The following MRTFA variants were observed in gnomAD, a reference collection of about 807,000 sequenced individuals.
MRTFA encodes the protein myocardin-related transcription factor A.
A neutral mutation model predicts 83.5 loss-of-function variants in MRTFA; 20 were observed. The observed-to-expected ratio is 0.24, with a 90% CI of 0.17 to 0.35. The LOEUF is 0.35. MRTFA is among the 10% of genes least tolerant of loss of function. The pLI, the probability that MRTFA is intolerant of heterozygous loss-of-function variation, is 1.00. For synonymous variants in MRTFA, 659 were observed against 541.2 expected (o/e 1.22, Z -3.02); for missense variants, 1,200 against 1,224.7 (o/e 0.98, Z 0.30).
At chr22:40,571,070 A>C (rs920331615) in intron 2 of MRTFA, among the ~76,000 whole-genome samples, 6 of 143,588 alleles carry the variant, frequency 4.2e-5, no homozygotes, top group Non-Finnish European at 1.5e-5. Context: ...TTAGCTGGGC[A>C]TGGTGGTGTG....
intron 12 of MRTFA, 115 bp downstream of exon 12, chr22:40,418,259 A>G: frequency 2.7e-6 from 4 of 1,501,244 alleles, no homozygotes; most frequent in South Asian, 1.4e-5. Context: ...GGAAGATTAA[A>G]TGAAGCAAAC....
At chr22:40,428,195 GTAAAA>G (rs1228560199) in intron 7 of MRTFA, among the ~76,000 whole-genome samples, 1 of 152,202 alleles carries the variant, frequency 6.6e-6, no homozygotes, top group Non-Finnish European at 1.5e-5. Flanking sequence ...AAAAGCAAAT[GTAAAA>G]TAACCTGGGG....
chr22:40,448,988 G>A (rs12168585), intron 4 of MRTFA, among the ~76,000 whole-genome samples: 1,960 of 152,240 alleles, frequency 0.013, 37 homozygotes, highest in African/African-American at 0.045. Flanking sequence ...ACTCTCAGCC[G>A]GGCGCAGTGG....
chr22:40,553,416 A>T (rs1238940633), intron 2 of MRTFA, among the ~76,000 whole-genome samples: 1 of 152,180 alleles, frequency 6.6e-6, no homozygotes, highest in Admixed American at 6.5e-5. Context: ...TGCTCTGTGC[A>T]GCCTCAGGAC....
chr22:40,487,921 C>T (rs906423652), intron 3 of MRTFA, among the ~76,000 whole-genome samples: 2 of 152,058 alleles, frequency 1.3e-5, no homozygotes, highest in Non-Finnish European at 2.9e-5. Context: ...GCATATGAAC[C>T]ACCTACCATG....
intron 1 of MRTFA, among the ~76,000 whole-genome samples, chr22:40,603,833 G>A (rs1208313078): frequency 6.7e-6 from 1 of 148,246 alleles, no homozygotes; most frequent in Non-Finnish European, 1.5e-5. Context: ...GCTGGTCCTT[G>A]AACTCCTGGG....
At chr22:40,519,412 G>GA in intron 3 of MRTFA, 1 of 1,327,962 alleles carries the variant, frequency 7.5e-7, no homozygotes, top group Non-Finnish European at 1.0e-6. Flanking sequence ...TCACTTCTTG[G>GA]AAAGAGATCA....
chr22:40,551,908 A>T (rs1332224354), intron 3 of MRTFA, among the ~76,000 whole-genome samples, 198 bp downstream of exon 3: 1 of 152,222 alleles, frequency 6.6e-6, no homozygotes, highest in Admixed American at 6.5e-5. Flanking sequence ...CAGAGAAATT[A>T]GAAAGAAATT....
At chr22:40,519,097 T>G (rs1165583545) in intron 3 of MRTFA, among the ~76,000 whole-genome samples, 2 of 151,332 alleles carry the variant, frequency 1.3e-5, no homozygotes, top group Non-Finnish European at 1.5e-5. Context: ...CCGCAACCTC[T>G]GCCTCCCGGT....
Position 40,470,229 on chromosome 22 carries a change from TTTTATATA to T in MRTFA, c.242-6951_242-6944del, listed in dbSNP as rs1336215049. Among the ~76,000 whole-genome samples the T allele has an allele frequency of 3.7e-3, 217 of 58,754 alleles. 6 individuals are homozygous for T. Among genetic ancestry groups the T allele is most frequent in the Middle Eastern group, 0.027 (3 of 112 alleles). 38.5% of individuals were successfully genotyped at this position (58,754 alleles called of 152,430 possible). On this transcript the variant is annotated intron_variant, in intron 3 of 14. Coordinates refer to ENST00000355630, the MANE Select transcript of MRTFA (RefSeq NM_020831.6). ...ACACAGCAAGACCCCATCTCCAAAA[TTTTATATA>T]TATATATATATATATATATATATAT...
At chr22:40,630,030 T>C (rs796705350) in intron 1 of MRTFA, among the ~76,000 whole-genome samples, 7 of 152,016 alleles carry the variant, frequency 4.6e-5, no homozygotes, top group African/African-American at 1.7e-4. Flanking sequence ...GGTACAGGAC[T>C]GGCCAAGCAC....
At chr22:40,623,985 T>C (rs2056552192) in intron 1 of MRTFA, among the ~76,000 whole-genome samples, 1 of 152,142 alleles carries the variant, frequency 6.6e-6, no homozygotes, top group Admixed American at 6.5e-5. Context: ...ATGCCTCCGG[T>C]ACCAGCTACT....
rs751238821 is a variant in MRTFA at position 40,424,287 on chromosome 22, C to T, written c.696G>A (p.Glu232=). 1 of 1,612,666 alleles carries T rather than the reference C, an allele frequency of 6.2e-7. No individual in the cohort carries two copies. Among genetic ancestry groups the T allele is most frequent in the African/African-American group, 1.3e-5 (1 of 74,836 alleles). The change falls in exon 8 of 15, where the codon GAG becomes GAA. Residue 232 remains glutamate (E), a synonymous_variant. Coordinates refer to ENST00000355630, the MANE Select transcript of MRTFA (RefSeq NM_020831.6). ...GGGGTGACGGCACAGAACCCTGGGA[C>T]TCATGGCTGGCAGGCTGCTCGGGGG... is the stretch of plus-strand genomic sequence containing the variant.
chr22:40,468,799 C>A (rs953820043), intron 3 of MRTFA, among the ~76,000 whole-genome samples: 2 of 152,212 alleles, frequency 1.3e-5, no homozygotes, highest in East Asian at 1.9e-4. Flanking sequence ...TCTCTTCCCC[C>A]ACTCAGATAT....
At chr22:40,596,248 C>T (rs2056190750) in intron 1 of MRTFA, among the ~76,000 whole-genome samples, 4 of 151,810 alleles carry the variant, frequency 2.6e-5, no homozygotes, top group South Asian at 2.1e-4. Flanking sequence ...AGGCTGAGTG[C>T]CGTAGCTCAG....
chr22:40,550,180 C>T (rs972000251), intron 3 of MRTFA, among the ~76,000 whole-genome samples: 3 of 151,468 alleles, frequency 2.0e-5, no homozygotes, highest in African/African-American at 7.3e-5. Context: ...AAAGTTCTTC[C>T]TACTTCTTTT....
Position 40,416,290 on chromosome 22 carries a change from G to A in MRTFA, c.2578+696C>T, listed in dbSNP as rs1189635847. On this transcript the variant is annotated intron_variant, in intron 14 of 14. Transcript: ENST00000355630. This position sits in a 1 kb window ranked among gnomAD's most constrained non-coding sequence, Gnocchi z 4.2. ...GCTGATTCCAGCCGCTCCTCTGCCC[G>A]CCACTGCTGCCTGCTGGGCCAAAGC... is the stretch of plus-strand genomic sequence containing the variant. 6.6e-6 allele frequency among the ~76,000 whole-genome samples: 1 copy of A among 152,196 alleles called. No individual in the cohort carries two copies. Among genetic ancestry groups the A allele is most frequent in the Non-Finnish European group, 1.5e-5 (1 of 68,022 alleles).
chr22:40,617,491 C>G (rs1055259801), intron 1 of MRTFA, among the ~76,000 whole-genome samples: 2 of 151,812 alleles, frequency 1.3e-5, no homozygotes, highest in Non-Finnish European at 2.9e-5. Context: ...CTTTGGGAGG[C>G]CGAGGCCGGT....
intron 3 of MRTFA, among the ~76,000 whole-genome samples, chr22:40,491,215 G>A (rs1283576444): frequency 6.6e-6 from 1 of 152,078 alleles, no homozygotes; most frequent in Non-Finnish European, 1.5e-5. Flanking sequence ...AGTGGTGCAC[G>A]CCTGTAGTCC....
Sources: allele counts gnomAD v4.1 joint callset (sites outside exome capture counted in the v4.1 genomes callset), GRCh38; gene constraint gnomAD v4.1.1; non-coding constraint Gnocchi (gnomAD v3.1); transcripts MANE v1.5; gene names NCBI Gene and HGNC (gene_info 2026-07-23, HGNC 2026-07-21).